RYR2: variants seen among roughly 807,000 people sequenced by gnomAD.
RYR2 encodes cardiac muscle ryanodine receptor-calcium release channel.
A neutral mutation model predicts 601.1 loss-of-function variants in RYR2; 227 were observed. That is an observed-to-expected ratio of 0.38 (90% CI 0.34 to 0.42). The LOEUF (loss-of-function observed/expected upper bound fraction) is 0.42, where lower values mean the gene tolerates loss of function less well. Among genes scored for constraint, RYR2 ranks in the 10% least tolerant of loss-of-function variants. The pLI, the probability that RYR2 is intolerant of heterozygous loss-of-function variation, is 1.00. For missense variants in RYR2, 4,646 were observed against 6,156.5 expected (o/e 0.75, Z 8.21); for synonymous variants, 2,223 against 2,175.1 (o/e 1.02, Z -0.61).
intron 72 of RYR2, 120 bp downstream of exon 72, chr1:237,717,488 A>G: frequency 1.2e-6 from 1 of 850,518 alleles, no homozygotes; most frequent in Non-Finnish European, 1.7e-6. Context: ...TTTATTAAGC[A>G]GGTTTTCTAG....
intron 4 of RYR2, among the ~76,000 whole-genome samples, chr1:237,360,194 A>C (rs1264686436): frequency 6.6e-6 from 1 of 152,214 alleles, no homozygotes; most frequent in Non-Finnish European, 1.5e-5. Context: ...AAATATATGG[A>C]GTCTTCTGTA....
intron 2 of RYR2, among the ~76,000 whole-genome samples, chr1:237,316,520 T>A (rs1489134657): frequency 6.6e-6 from 1 of 152,208 alleles, no homozygotes; most frequent in Non-Finnish European, 1.5e-5. Flanking sequence ...CATACTGTGA[T>A]GTGTTTGCTC....
At chr1:237,131,840 C>T (rs1220274770) in intron 1 of RYR2, among the ~76,000 whole-genome samples, 2 of 151,994 alleles carry the variant, frequency 1.3e-5, no homozygotes, top group Non-Finnish European at 1.5e-5. Context: ...CCCACCTCAG[C>T]CTCCAGAGTA....
chr1:237,587,253 T>A (rs1572985362), intron 29 of RYR2, among the ~76,000 whole-genome samples: 1 of 152,226 alleles, frequency 6.6e-6, no homozygotes, highest in South Asian at 2.1e-4. Flanking sequence ...ATTCACCACC[T>A]GCCAACATTG....
intron 101 of RYR2, among the ~76,000 whole-genome samples, chr1:237,822,810 G>T (rs943446077): frequency 6.6e-6 from 1 of 152,140 alleles, no homozygotes; most frequent in Non-Finnish European, 1.5e-5. Flanking sequence ...ACACACATGG[G>T]CTTAAAATAA....
intron 1 of RYR2, among the ~76,000 whole-genome samples, chr1:237,084,747 C>T (rs1237698363): frequency 6.6e-6 from 1 of 152,182 alleles, no homozygotes; most frequent in Non-Finnish European, 1.5e-5. Context: ...ATGTGCTAGT[C>T]CCTTTTTAAT....
chr1:237,383,442 T>G (rs1701712894), intron 8 of RYR2, among the ~76,000 whole-genome samples: 3 of 109,040 alleles, frequency 2.8e-5, no homozygotes, highest in Admixed American at 2.0e-4. Context: ...TTTTTTTTTT[T>G]TTTTTGAGAC....
chr1:237,377,787 T>C (rs1427685286), intron 8 of RYR2, among the ~76,000 whole-genome samples: 1 of 152,226 alleles, frequency 6.6e-6, no homozygotes, highest in African/African-American at 2.4e-5. Flanking sequence ...AAAGGCTATA[T>C]TAATGAGGTT....
intron 27 of RYR2, among the ~76,000 whole-genome samples, chr1:237,558,069 G>A (rs888797234): frequency 6.6e-6 from 1 of 152,172 alleles, no homozygotes; most frequent in Non-Finnish European, 1.5e-5. Context: ...TACAGTAAGA[G>A]GAGCTTGATG....
intron 1 of RYR2, among the ~76,000 whole-genome samples, chr1:237,228,914 A>C (rs1306171521): frequency 1.3e-5 from 2 of 152,214 alleles, no homozygotes; most frequent in African/African-American, 4.8e-5. Context: ...TGTGAAAAAA[A>C]ATAGGAAGAA....
At chr1:237,634,868 C>T (rs766286473) in intron 43 of RYR2, 21 bp from the exon 44 acceptor site, 1 of 1,569,974 alleles carries the variant, frequency 6.4e-7, no homozygotes, top group East Asian at 2.3e-5. Context: ...GGTTATATTT[C>T]ATCTTCATTT....
chr1:237,668,945 A>G (rs1020039394), intron 58 of RYR2, among the ~76,000 whole-genome samples: 1 of 151,714 alleles, frequency 6.6e-6, no homozygotes, highest in Non-Finnish European at 1.5e-5. Flanking sequence ...GCAGGGTCAT[A>G]GGACAATAGT....
intron 1 of RYR2, among the ~76,000 whole-genome samples, chr1:237,079,679 A>C (rs1255723897): frequency 7.9e-6 from 1 of 127,360 alleles, no homozygotes; most frequent in Non-Finnish European, 1.6e-5. Context: ...GGAAGAATCA[A>C]TATCGTGAAA....
intron 2 of RYR2, among the ~76,000 whole-genome samples, chr1:237,285,695 A>T (rs7530547): frequency 0.28 from 42,355 of 151,966 alleles, 6,884 homozygotes; most frequent in African/African-American, 0.45. Context: ...TACCATTTCA[A>T]TCTCACTGCT....
rs1451404022 is a variant in RYR2, at chr1:237,610,396, G to T, written c.4684-366G>T. On this transcript the variant is annotated intron_variant, in intron 35 of 104. Coordinates refer to ENST00000366574, the MANE Select transcript of RYR2 (RefSeq NM_001035.3). This position sits in a 1 kb window ranked among gnomAD's most constrained non-coding sequence, Gnocchi z 4.9. The stretch of plus-strand genomic sequence containing the variant: ...ATGTGACATATCTGTCATTCAGGAA[G>T]TTTGGCACTGAAAGTCCCTAAAGAC... Among the ~76,000 whole-genome samples, 3 of 152,162 alleles carry T rather than the reference G, an allele frequency of 2.0e-5. No individual in the cohort carries two copies. Among genetic ancestry groups the T allele is most frequent in the Non-Finnish European group, 4.4e-5 (3 of 68,026 alleles).
intron 1 of RYR2, among the ~76,000 whole-genome samples, chr1:237,173,476 G>C (rs1677650762): frequency 6.6e-6 from 1 of 152,186 alleles, no homozygotes; most frequent in African/African-American, 2.4e-5. Context: ...GGTCGGAAGG[G>C]CACCTGCACA....
chr1:237,574,436 CCTCTT>C (rs1246599533), intron 29 of RYR2, among the ~76,000 whole-genome samples: 1 of 151,102 alleles, frequency 6.6e-6, no homozygotes, highest in Non-Finnish European at 1.5e-5. Context: ...ATAACCCTCT[CCTCTT>C]GAGTGTCAGC....
chr1:237,649,743 C>A, intron 49 of RYR2, 134 bp from the exon 50 acceptor site: 1 of 692,500 alleles, frequency 1.4e-6, no homozygotes, highest in South Asian at 2.2e-5. Context: ...AAAGATGTAA[C>A]TAAAGAATAC....
In RYR2 at chr1:237,440,341, A is replaced by G. The variant is rs1305891540; in HGVS notation, c.1006-978A>G. ...TCATAAGACCAAAGACATAGAAGAC[A>G]CGTAAAGTAAATTAACAAGGAAGGT... On this transcript the variant is annotated intron_variant, in intron 12 of 104. Transcript: ENST00000366574. Among the ~76,000 whole-genome samples the G allele has an allele frequency of 2.6e-5, 4 of 152,364 alleles. No homozygotes were observed. The South Asian group carries it at 8.3e-4, about 32-fold the overall frequency.
Sources: allele counts gnomAD v4.1 joint callset (sites outside exome capture counted in the v4.1 genomes callset), GRCh38; gene constraint gnomAD v4.1.1; non-coding constraint Gnocchi (gnomAD v3.1); transcripts MANE v1.5; gene names NCBI Gene and HGNC (gene_info 2026-07-23, HGNC 2026-07-21).